Variants in DRC1 observed in about 807,000 individuals in gnomAD.
DRC1 encodes the protein dynein regulatory complex protein 1.
Under a neutral mutation model 98.7 loss-of-function variants are expected in DRC1, and 74 were observed. The observed-to-expected ratio is 0.75, with a 90% CI of 0.62 to 0.91. DRC1 has a LOEUF of 0.91. Among genes scored for constraint, DRC1 ranks in the 40% least tolerant of loss-of-function variants. The pLI is 0.00. For synonymous variants in DRC1, 336 were observed against 334.1 expected (o/e 1.01, Z -0.06); for missense variants, 875 against 886.0 (o/e 0.99, Z 0.16).
At position 26,402,048 on chromosome 2, in the gene DRC1, C is replaced by CCCAGATTCTCGCGCCCTCGGT. The variant is rs778448684; in HGVS notation, c.63_83dup (p.Gln21_Val27dup). 58 of 1,613,222 alleles carry CCCAGATTCTCGCGCCCTCGGT rather than the reference C, an allele frequency of 3.6e-5. No individual in the cohort carries two copies. In the Middle Eastern group the frequency reaches 4.9e-4, roughly 14 times the overall value. Reference sequence around the variant, plus strand: ...CCGAACGTGGACGAGCACTTGTCCACCCAGATTCTCGCGCCCTCGGTCCAC... The same window carrying CCCAGATTCTCGCGCCCTCGGT: ...CCGAACGTGGACGAGCACTTGTCCACCCAGATTCTCGCGCCCTCGGTCCAGATTCTCGCGCCCTCGGTCCAC... On this transcript the variant is annotated inframe_insertion, in exon 1 of 17. Coordinates refer to ENST00000288710, the MANE Select transcript of DRC1 (RefSeq NM_145038.5).
At chr2:26,435,327 C>CA (rs1432707147) in intron 7 of DRC1, among the ~76,000 whole-genome samples, 3 of 152,132 alleles carry the variant, frequency 2.0e-5, no homozygotes, top group African/African-American at 7.2e-5. Context: ...CATGTTTTGC[C>CA]ATTAGTCTTG....
chr2:26,450,621 G>C lies in DRC1; in HGVS notation c.1629G>C (p.Leu543Phe), dbSNP rs1395499916. The C allele has an allele frequency of 1.9e-6, 3 of 1,611,862 alleles. No homozygotes were observed. The highest frequency in any genetic ancestry group is 2.2e-5 in the South Asian group (2 of 90,842). ...SALGIESEDD[L>F]YKLVNFFLKY... is the part of the protein sequence containing the mutation. Reference sequence around the variant, plus strand: ...TTGGAATTGAAAGTGAGGATGACTTGTATAAACTGGTGAACTTCTTCCTTA... The same window carrying C: ...TTGGAATTGAAAGTGAGGATGACTTCTATAAACTGGTGAACTTCTTCCTTA... The change falls in exon 13 of 17, where the codon TTG becomes TTC. Residue 543 changes from leucine to phenylalanine, a missense_variant. Transcript: ENST00000288710.
At chr2:26,419,015 A>T (rs1182549524) in intron 2 of DRC1, among the ~76,000 whole-genome samples, 2 of 150,766 alleles carry the variant, frequency 1.3e-5, no homozygotes, top group African/African-American at 4.9e-5. Context: ...CAGCCTCCCA[A>T]GTAGCTGGGA....
intron 1 of DRC1, among the ~76,000 whole-genome samples, chr2:26,404,672 G>A (rs1678362804): frequency 6.6e-6 from 1 of 152,192 alleles, no homozygotes; most frequent in Non-Finnish European, 1.5e-5. Flanking sequence ...GTGTACTGAG[G>A]TGCAGTTTCA....
intron 13 of DRC1, among the ~76,000 whole-genome samples, chr2:26,451,449 GA>G (rs1044968733): frequency 6.6e-6 from 1 of 152,188 alleles, no homozygotes; most frequent in African/African-American, 2.4e-5. Context: ...ATTTAAAAAT[GA>G]AAAATGTGAA....
In DRC1 at chr2:26,402,005, T is replaced by C; in HGVS notation, c.16T>C (p.Ser6Pro). The C allele has an allele frequency of 2.5e-6, 4 of 1,607,856 alleles. No homozygotes were observed. Among genetic ancestry groups the C allele is most frequent in the Non-Finnish European group, 3.4e-6 (4 of 1,177,534 alleles). Reference sequence around the variant, plus strand: ...GACTCCTGCCATGAATCCGCCGGGGTCCCTAGAGGCCCTGGACCCGAACGT... The same window carrying C: ...GACTCCTGCCATGAATCCGCCGGGGCCCCTAGAGGCCCTGGACCCGAACGT... MNPPGSLEALDPNVDE... is the reference protein window; with the variant it reads MNPPGPLEALDPNVDE... The change falls in exon 1 of 17, where the codon TCC (serine) becomes CCC (proline). Residue 6 changes from serine to proline, a missense_variant. By Grantham distance (74) the Ser-to-Pro change is moderately conservative (BLOSUM62 -1). Transcript: ENST00000288710.
At chr2:26,455,302 A>T in intron 16 of DRC1, 69 bp downstream of exon 16, 1 of 1,475,452 alleles carries the variant, frequency 6.8e-7, no homozygotes, top group Non-Finnish European at 9.3e-7. Flanking sequence ...TGGAGCTGGG[A>T]TTAGGGAACG....
At chr2:26,410,212 C>A (rs538461808) in intron 1 of DRC1, among the ~76,000 whole-genome samples, 1 of 148,100 alleles carries the variant, frequency 6.8e-6, no homozygotes, top group East Asian at 2.0e-4. Flanking sequence ...GAAAATAGAG[C>A]GCAAAGAAAA....
At chr2:26,415,144 C>T (rs139400044) in intron 2 of DRC1, among the ~76,000 whole-genome samples, 2 of 152,244 alleles carry the variant, frequency 1.3e-5, no homozygotes, top group Non-Finnish European at 2.9e-5. Flanking sequence ...AGCTTGTACT[C>T]AGTAGACACA....
chr2:26,424,519 G>A, intron 4 of DRC1, 65 bp downstream of exon 4: 2 of 1,507,234 alleles, frequency 1.3e-6, no homozygotes, highest in Non-Finnish European at 1.8e-6. Flanking sequence ...TGGGTTACTG[G>A]TTTGCTTTTC....
chr2:26,415,204 A>T (rs1021380978), intron 2 of DRC1, among the ~76,000 whole-genome samples: 1 of 152,206 alleles, frequency 6.6e-6, no homozygotes, highest in Admixed American at 6.5e-5. Flanking sequence ...AGCCCCTGGG[A>T]TGCTGAGGGA....
intron 16 of DRC1, among the ~76,000 whole-genome samples, chr2:26,455,588 G>C (rs1349039081): frequency 6.6e-6 from 1 of 152,226 alleles, no homozygotes; most frequent in Non-Finnish European, 1.5e-5. Context: ...CACCCGCTGT[G>C]TGAGGTGGAC....
In DRC1 at chr2:26,444,715, G is replaced by A. The variant is rs1268376448; in HGVS notation, c.1164-1G>A. On this transcript the variant is annotated splice_acceptor_variant, in intron 9 of 16. Transcript: ENST00000288710. LOFTEE classifies it high-confidence loss of function. ...CCATGCTCTGTGACTCTCCTTCACA[G>A]GCATTTTGCTCTTATTGATGATGAG... 1 of 1,613,940 alleles carries A rather than the reference G, an allele frequency of 6.2e-7. No individual in the cohort carries two copies. The highest frequency in any genetic ancestry group is 8.5e-7 in the Non-Finnish European group (1 of 1,179,898).
chr2:26,417,727 TC>T (rs1678857248), intron 2 of DRC1, among the ~76,000 whole-genome samples: 1 of 152,230 alleles, frequency 6.6e-6, no homozygotes, highest in East Asian at 1.9e-4. Context: ...GAATTTATAA[TC>T]CATGGGAGGT....
chr2:26,438,710 C>T (rs1663636806), intron 7 of DRC1, among the ~76,000 whole-genome samples: 1 of 152,196 alleles, frequency 6.6e-6, no homozygotes. Context: ...ACCTCCTAGC[C>T]AGGGGCCCTC....
chr2:26,433,969 C>T (rs913124313), intron 7 of DRC1, among the ~76,000 whole-genome samples: 1 of 152,112 alleles, frequency 6.6e-6, no homozygotes, highest in Non-Finnish European at 1.5e-5. Flanking sequence ...CATGTGGCAA[C>T]ATGTGGAATG....
At chr2:26,410,217 A>G (rs2147977405) in intron 1 of DRC1, among the ~76,000 whole-genome samples, 1 of 149,332 alleles carries the variant, frequency 6.7e-6, no homozygotes, top group East Asian at 1.9e-4. Flanking sequence ...TAGAGCGCAA[A>G]GAAAAAAGGT....
intron 11 of DRC1, among the ~76,000 whole-genome samples, chr2:26,449,055 C>T (rs893879702): frequency 3.9e-5 from 6 of 152,256 alleles, no homozygotes; most frequent in African/African-American, 1.4e-4. Flanking sequence ...ATAGTTTAGG[C>T]CAGCTGGAGG....
chr2:26,429,836 A>C, intron 5 of DRC1, 71 bp downstream of exon 5: 1 of 1,537,652 alleles, frequency 6.5e-7, no homozygotes, highest in Non-Finnish European at 8.8e-7. Context: ...GTCTGTCCTA[A>C]TAATCTAAGG....
Sources: gnomAD v4.1 joint callset for allele counts (sites outside exome capture counted in the v4.1 genomes callset) on GRCh38, gnomAD v4.1.1 for gene constraint, MANE v1.5 for transcripts, NCBI Gene and HGNC (gene_info 2026-07-23, HGNC 2026-07-21) for gene names.